Variants in DDI2 observed in about 807,000 individuals in gnomAD.
DDI2 encodes the protein protein DDI1 homolog 2.
DDI2 carries 5 observed loss-of-function variants against 48.1 expected under a neutral mutation model. That is an observed-to-expected ratio of 0.10 (90% confidence interval 0.05 to 0.22). The LOEUF (loss-of-function observed/expected upper bound fraction) is 0.22, where lower values mean the gene tolerates loss of function less well. Among genes scored for constraint, DDI2 ranks in the 10% least tolerant of loss-of-function variants. The pLI, the probability that DDI2 is intolerant of heterozygous loss-of-function variation, is 1.00. For missense variants in DDI2, 285 were observed against 506.2 expected (o/e 0.56, Z 4.19); for synonymous variants, 205 against 183.6 (o/e 1.12, Z -0.94).
chr1:15,633,484 G>C lies in DDI2; in HGVS notation c.551G>C (p.Arg184Pro). 1 of 1,613,650 alleles carries C rather than the reference G, an allele frequency of 6.2e-7. No individual in the cohort carries two copies. The highest frequency in any genetic ancestry group is 8.5e-7 in the Non-Finnish European group (1 of 1,179,704). The part of the protein sequence containing the change: ...VLVEQQQDRA[R>P]REQERIRLFS... ...GTGGAGCAGCAGCAGGACCGAGCCC[G>C]GAGAGAGCAAGAAAGGATTCGTCTG... is the stretch of plus-strand genomic sequence containing the variant. Residue 184 changes from arginine to proline, a missense_variant, in exon 4 of 10, where the codon CGG becomes CCG. By Grantham distance (103) the Arg-to-Pro change is moderately radical. Coordinates refer to ENST00000480945, the MANE Select transcript of DDI2 (RefSeq NM_032341.5).
At chr1:15,644,227 G>T (rs561836333) in intron 6 of DDI2, among the ~76,000 whole-genome samples, 5 of 152,314 alleles carry the variant, frequency 3.3e-5, no homozygotes, top group East Asian at 1.9e-4. Context: ...GCCTGCTTCA[G>T]AGCTGCTGTT....
chr1:15,658,479 A>G (rs867152922), intron 9 of DDI2, among the ~76,000 whole-genome samples: 26 of 134,538 alleles, frequency 1.9e-4, no homozygotes, highest in Admixed American at 3.5e-4. Flanking sequence ...AGATCTTACA[A>G]TGGTCGGGTG....
intron 3 of DDI2, among the ~76,000 whole-genome samples, chr1:15,632,892 A>C (rs1461196720): frequency 6.6e-6 from 1 of 150,870 alleles, no homozygotes; most frequent in African/African-American, 2.4e-5. Context: ...ATAACTTCTT[A>C]TAAAAAATTT....
Position 15,651,853 on chromosome 1 carries a change from C to G in DDI2, c.1141C>G (p.Gln381Glu). Residue 381 changes from glutamine to glutamate, a missense_variant, in exon 8 of 10, where the codon CAA becomes GAA. Gln to Glu is a conservative substitution (Grantham distance 29, BLOSUM62 2). This residue lies in a region of DDI2 where 66 missense variants were observed against 87.3 expected (regional missense o/e 0.76). Transcript: ENST00000480945. Reference protein sequence around the residue: ...EDVRPEEIADQELAEALQKSA... With the variant: ...EDVRPEEIADEELAEALQKSA... ...TGTACGGCCAGAGGAGATTGCAGAC[C>G]AAGAATTAGCAGAAGCCCTTCAAAA... The G allele has an allele frequency of 6.2e-7, 1 of 1,613,604 alleles. No homozygotes were observed. The highest frequency in any genetic ancestry group is 8.5e-7 in the Non-Finnish European group (1 of 1,179,776).
chr1:15,627,086 A>G (rs983758425), intron 2 of DDI2: 10 of 345,350 alleles, frequency 2.9e-5, no homozygotes, highest in Admixed American at 4.4e-5. Flanking sequence ...AGCTTCTGTT[A>G]TCAGTGATAA....
intron 1 of DDI2, among the ~76,000 whole-genome samples, chr1:15,619,675 A>G (rs1018331043): frequency 6.8e-6 from 1 of 146,934 alleles, no homozygotes; most frequent in Non-Finnish European, 1.5e-5. Context: ...GTTAGCCAGG[A>G]TGGTCTCGAT....
rs1193038798 is a variant in DDI2 at position 15,666,988 on chromosome 1, A to AT, written c.*7199dup. The AT allele has an allele frequency of 6.6e-6, 1 of 152,138 alleles. No individual in the cohort carries two copies. Among genetic ancestry groups the AT allele is most frequent in the Non-Finnish European group, 1.5e-5 (1 of 68,056 alleles). 9.4% of individuals were successfully genotyped at this position (152,138 alleles called of 1,614,324 possible). A position where few individuals can be genotyped will look rare whatever the true frequency, so the allele number is the denominator to read the frequency against. ...CACTTTGGGAGGCCAAGGTGGGTGG[A>AT]TATGAGGTCAGGAGGTCGAGACCAG... On this transcript the variant is annotated 3_prime_UTR_variant, in exon 10 of 10. Coordinates refer to ENST00000480945, the MANE Select transcript of DDI2 (RefSeq NM_032341.5).
intron 5 of DDI2, among the ~76,000 whole-genome samples, chr1:15,642,043 A>G (rs1378627689): frequency 6.6e-6 from 1 of 152,164 alleles, no homozygotes; most frequent in Non-Finnish European, 1.5e-5. Context: ...GAGAGAAGAA[A>G]GACTAGGAGA....
At chr1:15,630,841 T>A (rs1018932370) in intron 3 of DDI2, among the ~76,000 whole-genome samples, 1 of 152,204 alleles carries the variant, frequency 6.6e-6, no homozygotes, top group South Asian at 2.1e-4. Context: ...TGATTTTTGT[T>A]TGTTTCTTTG....
intron 7 of DDI2, among the ~76,000 whole-genome samples, chr1:15,651,475 C>T (rs1188826972): frequency 6.6e-5 from 10 of 152,098 alleles, no homozygotes; most frequent in African/African-American, 2.4e-4. Flanking sequence ...TGTGCCACCA[C>T]GCCTGGTTAA....
In DDI2 at chr1:15,659,821, CCT is replaced by C; in HGVS notation, c.*47-15_*47-14del. The C allele has an allele frequency of 6.7e-7, 1 of 1,501,470 alleles. No individual in the cohort carries two copies. The highest frequency in any genetic ancestry group is 1.8e-4 in the Middle Eastern group (1 of 5,574). The allele number at this position is 1,501,470 out of a possible 1,614,324, so 93.0% of individuals were successfully genotyped here. A position where few individuals can be genotyped will look rare whatever the true frequency, so the allele number is the denominator to read the frequency against. The stretch of plus-strand genomic sequence containing the variant: ...CTGCTAATTAATCTTTTTCCTTTCC[CCT>C]GTGTTCCATATAGAGAAAAGTGGTA... On this transcript the variant is annotated splice_polypyrimidine_tract_variant and intron_variant, in intron 9 of 9. Coordinates refer to ENST00000480945, the MANE Select transcript of DDI2 (RefSeq NM_032341.5).
chr1:15,661,997 G>A lies in DDI2; in HGVS notation c.*2207G>A, dbSNP rs773718291. The A allele has an allele frequency of 1.3e-5, 4 of 308,676 alleles. No individual in the cohort carries two copies. The highest frequency in any genetic ancestry group is 2.4e-5 in the Non-Finnish European group (4 of 168,688). 19.1% of individuals were successfully genotyped at this position (308,676 alleles called of 1,614,324 possible). A position where few individuals can be genotyped will look rare whatever the true frequency, so the allele number is the denominator to read the frequency against. On this transcript the variant is annotated 3_prime_UTR_variant, in exon 10 of 10. Transcript: ENST00000480945. ...AGAAGCTTTTTATTCTCATTAAGAT[G>A]TATCCTGGAATAAAATGGATGGTTT...
Position 15,651,777 on chromosome 1 carries a change from G to A in DDI2, c.1065G>A (p.Glu355=), listed in dbSNP as rs1300389369. ...TTGSQTTFLP[E]GELPECARLA... is the part of the protein sequence containing the mutation. ...GCTCCCAGACCACCTTTCTTCCTGA[G>A]GGAGAGCTACCAGAGTGTGCCCGGT... Residue 355 remains glutamate, a synonymous_variant, in exon 8 of 10, where the codon GAG becomes GAA. Transcript: ENST00000480945. The A allele has an allele frequency of 1.2e-6, 2 of 1,613,986 alleles. No homozygotes were observed. Among genetic ancestry groups the A allele is most frequent in the Non-Finnish European group, 1.7e-6 (2 of 1,179,984 alleles).
In DDI2 at chr1:15,659,910, C is replaced by G. The variant is rs1640335340; in HGVS notation, c.*120C>G. On this transcript the variant is annotated 3_prime_UTR_variant, in exon 10 of 10. Coordinates refer to ENST00000480945, the MANE Select transcript of DDI2 (RefSeq NM_032341.5). ...CTTCAGATGGGTTTAACCATCCCGC[C>G]CGTTCTTCAGGACAGAGTCCTGATG... is the stretch of plus-strand genomic sequence containing the variant. The G allele has an allele frequency of 6.2e-7, 1 of 1,605,274 alleles. No homozygotes were observed. Among genetic ancestry groups the G allele is most frequent in the Non-Finnish European group, 8.5e-7 (1 of 1,177,392 alleles).
chr1:15,629,752 A>G lies in DDI2; in HGVS notation c.269-573A>G, dbSNP rs138147390. 9.4e-4 allele frequency among the ~76,000 whole-genome samples: 133 copies of G among 141,188 alleles called. 2 individuals carry two copies. In the East Asian group the frequency reaches 0.024, roughly 25 times the overall value. The allele number at this position is 141,188 out of a possible 152,430, so 92.6% of individuals were successfully genotyped here. A position where few individuals can be genotyped will look rare whatever the true frequency, so the allele number is the denominator to read the frequency against. Reference sequence around the variant, plus strand: ...TTTTTTTTTTTTTTTTTCTTTTGAGATGAAGTTTCGCTCTTGTTGCCTGGG... The same window carrying G: ...TTTTTTTTTTTTTTTTTCTTTTGAGGTGAAGTTTCGCTCTTGTTGCCTGGG... On this transcript the variant is annotated intron_variant, in intron 2 of 9. Transcript: ENST00000480945.
rs187268975 is a variant in DDI2 at position 15,632,629 on chromosome 1, A to G, written c.506-810A>G. Among the ~76,000 whole-genome samples, 10 of 152,344 alleles carry G rather than the reference A, an allele frequency of 6.6e-5. No homozygotes were observed. The East Asian group carries it at 1.9e-3, about 29-fold the overall frequency. On this transcript the variant is annotated intron_variant, in intron 3 of 9. Transcript: ENST00000480945. ...TAATTTTCCTGCCTATTAATTCATCAGAACACACACAAAATATAGGTAGAC... is the reference window on the plus strand; with the variant it reads ...TAATTTTCCTGCCTATTAATTCATCGGAACACACACAAAATATAGGTAGAC...
chr1:15,618,138 A>C lies in DDI2; in HGVS notation c.138+330A>C, dbSNP rs146982279. 6.5e-3 allele frequency among the ~76,000 whole-genome samples: 981 copies of C among 151,524 alleles called. 14 individuals are homozygous for C. Among genetic ancestry groups the C allele is most frequent in the African/African-American group, 0.023 (943 of 41,284 alleles). On this transcript the variant is annotated intron_variant, in intron 1 of 9. Transcript: ENST00000480945. ...TGGCCCTTCCCTGTTTCTAATCCCG[A>C]GTGTAGGATATCGTTGTGGACCTCA... is the stretch of plus-strand genomic sequence containing the variant.
chr1:15,626,477 G>T (rs1055465152), intron 1 of DDI2, among the ~76,000 whole-genome samples, 192 bp from the exon 2 acceptor site: 9 of 152,196 alleles, frequency 5.9e-5, no homozygotes, highest in Non-Finnish European at 1.2e-4. Context: ...GAAGTCAGGA[G>T]AGCCAGGGAC....
At chr1:15,629,636 G>A (rs1467042024) in intron 2 of DDI2, among the ~76,000 whole-genome samples, 3 of 151,304 alleles carry the variant, frequency 2.0e-5, no homozygotes, top group Non-Finnish European at 4.4e-5. Context: ...AAGCGTCAAG[G>A]CTGTTTGAAC....
Sources: allele counts gnomAD v4.1 joint callset (sites outside exome capture counted in the v4.1 genomes callset), GRCh38; gene constraint gnomAD v4.1.1; regional missense constraint gnomAD v4.1.1; transcripts MANE v1.5; gene names NCBI Gene and HGNC (gene_info 2026-07-23, HGNC 2026-07-21).